Variants in RAB3C observed in about 807,000 individuals in gnomAD.
The protein encoded by RAB3C is RAB3C, member RAS oncogene family.
In RAB3C, 17 loss-of-function variants were observed where a neutral mutation model predicts 26.4. The ratio of observed to expected loss-of-function variants is 0.64; its 90% CI spans 0.44 to 0.97. The LOEUF is 0.97. Ranked by LOEUF, RAB3C falls within the 50% of genes least tolerant of loss-of-function variation. The pLI is 0.00. For synonymous variants in RAB3C, 91 were observed against 95.9 expected (o/e 0.95, Z 0.30); for missense variants, 242 against 281.9 (o/e 0.86, Z 1.01).
chr5:58,749,428 G>C (rs981171753), intron 3 of RAB3C, among the ~76,000 whole-genome samples: 1 of 152,058 alleles, frequency 6.6e-6, no homozygotes, highest in Non-Finnish European at 1.5e-5. Flanking sequence ...ATTCACAAAA[G>C]AAAAAGACAT....
chr5:58,764,795 C>G (rs796984191), intron 3 of RAB3C, among the ~76,000 whole-genome samples: 3 of 152,226 alleles, frequency 2.0e-5, no homozygotes, highest in African/African-American at 7.2e-5. Flanking sequence ...ATATCTGAAG[C>G]CATCAATTTG....
chr5:58,807,889 C>T (rs1742978489), intron 3 of RAB3C, among the ~76,000 whole-genome samples: 1 of 151,808 alleles, frequency 6.6e-6, no homozygotes, highest in Non-Finnish European at 1.5e-5. Context: ...TTCAGCAAAA[C>T]CAATGTATTC....
intron 2 of RAB3C, among the ~76,000 whole-genome samples, chr5:58,691,472 G>A (rs1748569169): frequency 6.7e-6 from 1 of 148,354 alleles, no homozygotes; most frequent in Non-Finnish European, 1.5e-5. Flanking sequence ...CATTGACACA[G>A]ACGTAAGGAG....
chr5:58,659,305 A>T (rs1345959187), intron 2 of RAB3C, among the ~76,000 whole-genome samples: 1 of 152,214 alleles, frequency 6.6e-6, no homozygotes, highest in East Asian at 1.9e-4. Flanking sequence ...AAGTGAAATT[A>T]TATGTCTTCT....
chr5:58,838,162 C>A (rs982884128), intron 4 of RAB3C, among the ~76,000 whole-genome samples: 1 of 152,080 alleles, frequency 6.6e-6, no homozygotes, highest in Non-Finnish European at 1.5e-5. Context: ...AGGCAGATCA[C>A]GAGGTCAGTA....
chr5:58,827,918 C>T (rs1743525660), intron 4 of RAB3C, among the ~76,000 whole-genome samples: 1 of 152,186 alleles, frequency 6.6e-6, no homozygotes. Flanking sequence ...CTTCAGAATA[C>T]CATCACATAC....
At position 58,754,879 on chromosome 5, in the gene RAB3C, A is replaced by T. The variant is rs6868480; in HGVS notation, c.371+28759A>T. On this transcript the variant is annotated intron_variant, in intron 3 of 4. Transcript: ENST00000282878. The stretch of plus-strand genomic sequence containing the variant: ...CAGAGAGCTACATCTAAATCTCCTT[A>T]TTCTCCTTTTTTTTTTCTTCTGCAC... Among the ~76,000 whole-genome samples, 1,310 of 131,156 alleles carry T rather than the reference A, an allele frequency of 1.0e-2. 24 individuals carry two copies. Among genetic ancestry groups the T allele is most frequent in the African/African-American group, 0.034 (1,216 of 35,254 alleles). 86.0% of individuals were successfully genotyped at this position (131,156 alleles called of 152,430 possible).
intron 3 of RAB3C, among the ~76,000 whole-genome samples, chr5:58,736,478 T>C (rs1741138364): frequency 6.6e-6 from 1 of 152,224 alleles, no homozygotes; most frequent in Admixed American, 6.5e-5. Context: ...TCTCTCCCTC[T>C]GAGCAGCCCG....
At chr5:58,788,906 G>T (rs1380272597) in intron 3 of RAB3C, among the ~76,000 whole-genome samples, 1 of 152,078 alleles carries the variant, frequency 6.6e-6, no homozygotes, top group Non-Finnish European at 1.5e-5. Context: ...GCCTGTCAAG[G>T]TTTTGTGAAA....
chr5:58,751,143 C>T (rs370416453), intron 3 of RAB3C, among the ~76,000 whole-genome samples: 9 of 152,138 alleles, frequency 5.9e-5, no homozygotes, highest in East Asian at 1.9e-4. Flanking sequence ...CATGAGCCAC[C>T]GTGCCCGGAC....
At chr5:58,844,655 C>G (rs1743949893) in intron 4 of RAB3C, among the ~76,000 whole-genome samples, 1 of 152,200 alleles carries the variant, frequency 6.6e-6, no homozygotes, top group African/African-American at 2.4e-5. Flanking sequence ...GGAGACAAGA[C>G]ATTGCAACTG....
At chr5:58,698,911 C>A (rs915233172) in intron 2 of RAB3C, among the ~76,000 whole-genome samples, 3 of 152,220 alleles carry the variant, frequency 2.0e-5, no homozygotes, top group Non-Finnish European at 2.9e-5. Context: ...TACCAACCTT[C>A]TGAAGCCTAC....
At chr5:58,658,949 G>C (rs1747839801) in intron 2 of RAB3C, among the ~76,000 whole-genome samples, 3 of 152,150 alleles carry the variant, frequency 2.0e-5, no homozygotes, top group Admixed American at 2.0e-4. Flanking sequence ...ATTGGCCAGA[G>C]CAAGTCGCAA....
chr5:58,775,903 C>T (rs916351088), intron 3 of RAB3C, among the ~76,000 whole-genome samples: 3 of 152,124 alleles, frequency 2.0e-5, no homozygotes, highest in African/African-American at 7.2e-5. Context: ...TACACTCCTG[C>T]AGGCAACTCT....
At chr5:58,776,759 G>A (rs10069909) in intron 3 of RAB3C, among the ~76,000 whole-genome samples, 26 of 152,146 alleles carry the variant, frequency 1.7e-4, no homozygotes, top group African/African-American at 6.3e-4. Flanking sequence ...GTCCCACAGG[G>A]GTTGGGGAGG....
At chr5:58,616,045 G>T (rs964896822) in intron 1 of RAB3C, among the ~76,000 whole-genome samples, 1 of 151,320 alleles carries the variant, frequency 6.6e-6, no homozygotes, top group Non-Finnish European at 1.5e-5. Context: ...TGTCCTAGAT[G>T]AGGCTGAGCA....
intron 3 of RAB3C, among the ~76,000 whole-genome samples, chr5:58,772,897 A>T (rs1742057328): frequency 6.6e-6 from 1 of 152,188 alleles, no homozygotes; most frequent in Non-Finnish European, 1.5e-5. Context: ...ATCATGTTGC[A>T]TTCACAGGAC....
chr5:58,644,472 A>G (rs1747476129), intron 2 of RAB3C: 1 of 152,100 alleles, frequency 6.6e-6, no homozygotes, highest in Admixed American at 6.5e-5. Context: ...CATAATTATG[A>G]TATCTGAGAC....
At chr5:58,847,587 C>T (rs1398436857) in intron 4 of RAB3C, among the ~76,000 whole-genome samples, 1 of 152,110 alleles carries the variant, frequency 6.6e-6, no homozygotes, top group Non-Finnish European at 1.5e-5. Context: ...ATAACTTAGG[C>T]CATGAGCTTT....
Sources: gnomAD v4.1 joint callset for allele counts (sites outside exome capture counted in the v4.1 genomes callset) on GRCh38, gnomAD v4.1.1 for gene constraint, MANE v1.5 for transcripts, NCBI Gene and HGNC (gene_info 2026-07-23, HGNC 2026-07-21) for gene names.